The following RBM20 variants were observed in gnomAD, a reference collection of about 807,000 sequenced individuals.
RBM20 encodes RNA-binding protein 20.
RBM20 carries 51 observed loss-of-function variants against 110.1 expected under a neutral mutation model. That is an observed-to-expected ratio of 0.46 (90% CI 0.37 to 0.59). RBM20 has a LOEUF of 0.59. Ranked by LOEUF, RBM20 falls within the 20% of genes least tolerant of loss-of-function variation. RBM20 has a pLI of 0.00. For missense variants in RBM20, 1,512 were observed against 1,574.9 expected (o/e 0.96, Z 0.68); for synonymous variants, 589 against 618.2 (o/e 0.95, Z 0.70).
chr10:110,680,341 T>C (rs530183407), intron 1 of RBM20, among the ~76,000 whole-genome samples: 1 of 152,164 alleles, frequency 6.6e-6, no homozygotes, highest in African/African-American at 2.4e-5. Flanking sequence ...GTTTTCCCTG[T>C]CTGAATGGTC....
At chr10:110,649,448 G>A (rs61861723) in intron 1 of RBM20, among the ~76,000 whole-genome samples, 33,137 of 151,988 alleles carry the variant, frequency 0.22, 4,560 homozygotes, top group Middle Eastern at 0.34. Context: ...AACTAAATAT[G>A]GAAAGTAAGA....
chr10:110,727,892 A>T (rs1260927455), intron 1 of RBM20, among the ~76,000 whole-genome samples: 1 of 152,148 alleles, frequency 6.6e-6, no homozygotes, highest in Non-Finnish European at 1.5e-5. Context: ...ATGAGTGAGA[A>T]CATGTGGTGT....
rs373480063 is a variant in RBM20, at chr10:110,780,958, G to A, written c.349G>A (p.Ala117Thr). 16 of 1,551,524 alleles carry A rather than the reference G, an allele frequency of 1.0e-5. No individual in the cohort carries two copies. The highest frequency in any genetic ancestry group is 6.8e-5 in the African/African-American group (5 of 73,014). The change falls in exon 2 of 14, where the codon GCC becomes ACC. Residue 117 changes from alanine to threonine, a missense_variant. Coordinates refer to ENST00000369519, the MANE Select transcript of RBM20 (RefSeq NM_001134363.3). ...AGCTGTCACCAACAACACTGCAGCC[G>A]CCACAGTCCTGAACCAAGTCCTCTC... ...QTAVTNNTAA[A>T]TVLNQVLSKV...
chr10:110,711,476 G>A (rs2134913240), intron 1 of RBM20, among the ~76,000 whole-genome samples: 1 of 152,092 alleles, frequency 6.6e-6, no homozygotes, highest in African/African-American at 2.4e-5. Flanking sequence ...TGTGGAATCA[G>A]CTATGAGACT....
chr10:110,834,102 C>T (rs1167797344), intron 13 of RBM20, among the ~76,000 whole-genome samples: 1 of 152,170 alleles, frequency 6.6e-6, no homozygotes, highest in Non-Finnish European at 1.5e-5. Context: ...CAAGAACCCA[C>T]CCAGAGTGAT....
chr10:110,820,682 G>C (rs933329545), intron 10 of RBM20, among the ~76,000 whole-genome samples: 1 of 152,204 alleles, frequency 6.6e-6, no homozygotes, highest in Non-Finnish European at 1.5e-5. Context: ...AATATCCTTG[G>C]AACAGGGCCA....
At chr10:110,650,079 G>A (rs1177262827) in intron 1 of RBM20, among the ~76,000 whole-genome samples, 1 of 152,200 alleles carries the variant, frequency 6.6e-6, no homozygotes, top group Non-Finnish European at 1.5e-5. Flanking sequence ...CAAGATTTTA[G>A]TCTTCAAAGT....
intron 1 of RBM20, among the ~76,000 whole-genome samples, chr10:110,773,563 A>G (rs1446220006): frequency 6.6e-6 from 1 of 152,240 alleles, no homozygotes; most frequent in Non-Finnish European, 1.5e-5. Context: ...TCATTTTATA[A>G]AAATAAAGAA....
At chr10:110,706,335 A>G (rs140016772) in intron 1 of RBM20, among the ~76,000 whole-genome samples, 10 of 152,274 alleles carry the variant, frequency 6.6e-5, no homozygotes, top group Non-Finnish European at 1.2e-4. Context: ...ATTGGCATAC[A>G]ATAGGTTCTT....
chr10:110,791,461 G>GT (rs1293141451), intron 5 of RBM20, among the ~76,000 whole-genome samples: 1 of 152,162 alleles, frequency 6.6e-6, no homozygotes, highest in African/African-American at 2.4e-5. Context: ...GCAACTCTAA[G>GT]TTATTTGAAC....
chr10:110,796,193 TC>T (rs1414191311), intron 5 of RBM20, among the ~76,000 whole-genome samples: 4 of 152,234 alleles, frequency 2.6e-5, no homozygotes, highest in African/African-American at 9.6e-5. Context: ...CTTACTGCCT[TC>T]CCATTCTGCT....
intron 1 of RBM20, among the ~76,000 whole-genome samples, chr10:110,766,498 G>T (rs563781156): frequency 6.6e-4 from 100 of 152,046 alleles, no homozygotes; most frequent in Non-Finnish European, 1.3e-3. Flanking sequence ...GTGTCCCTGG[G>T]TACTTGAGAT....
At chr10:110,651,058 C>T (rs1440121844) in intron 1 of RBM20, among the ~76,000 whole-genome samples, 1 of 152,196 alleles carries the variant, frequency 6.6e-6, no homozygotes, top group Non-Finnish European at 1.5e-5. Flanking sequence ...AGCCAATTAA[C>T]CTTTCTAATC....
chr10:110,737,193 A>AAAAAAAAAAAAAAAAAAAAAAAAAAAAC (rs796374212), intron 1 of RBM20, among the ~76,000 whole-genome samples: 23 of 116,498 alleles, frequency 2.0e-4, no homozygotes, highest in Non-Finnish European at 3.3e-4. Context: ...AAAAAAAAAA[A>AAAAAAAAAAAAAAAAAAAAAAAAAAAAC]AAAACACCCC....
At chr10:110,745,850 G>A (rs780612173) in intron 1 of RBM20, among the ~76,000 whole-genome samples, 2 of 152,174 alleles carry the variant, frequency 1.3e-5, no homozygotes, top group East Asian at 1.9e-4. Context: ...TGGAAATAGC[G>A]ATGTATGCCC....
At chr10:110,716,396 A>G (rs1343651325) in intron 1 of RBM20, among the ~76,000 whole-genome samples, 2 of 152,222 alleles carry the variant, frequency 1.3e-5, no homozygotes, top group African/African-American at 4.8e-5. Flanking sequence ...CCAGGTCTCA[A>G]TTATGTAACA....
At position 110,797,710 on chromosome 10, in the gene RBM20, C is replaced by T. The variant is rs370804948; in HGVS notation, c.1668+62C>T. On this transcript the variant is annotated intron_variant, in intron 6 of 13. Transcript: ENST00000369519. ...CAGACCACACATTAGTGAAAGGGAA[C>T]GATATAATTTTTGAAAGAAGCCATT... The T allele has an allele frequency of 2.2e-3, 3,270 of 1,482,308 alleles. 76 individuals are homozygous for T. In the South Asian group the frequency reaches 0.029, roughly 13 times the overall value. 91.8% of individuals were successfully genotyped at this position (1,482,308 alleles called of 1,614,324 possible).
intron 1 of RBM20, among the ~76,000 whole-genome samples, chr10:110,724,073 G>A (rs996596080): frequency 6.6e-6 from 1 of 152,208 alleles, no homozygotes; most frequent in African/African-American, 2.4e-5. Flanking sequence ...TACCGGGTAA[G>A]AGACCAAGCC....
chr10:110,663,158 G>A (rs1460333281), intron 1 of RBM20, among the ~76,000 whole-genome samples: 1 of 151,880 alleles, frequency 6.6e-6, no homozygotes, highest in Non-Finnish European at 1.5e-5. Flanking sequence ...TAGAGTCGGG[G>A]CGTTGCCCAG....
Sources: allele counts gnomAD v4.1 joint callset (sites outside exome capture counted in the v4.1 genomes callset), GRCh38; gene constraint gnomAD v4.1.1; transcripts MANE v1.5; gene names NCBI Gene and HGNC (gene_info 2026-07-23, HGNC 2026-07-21).